The following ANXA10 variants were observed in gnomAD, a reference collection of about 807,000 sequenced individuals.
ANXA10 encodes the protein annexin 14.
ANXA10 carries 49 observed loss-of-function variants against 53.5 expected under a neutral mutation model. The ratio of observed to expected loss-of-function variants is 0.92; its 90% CI spans 0.73 to 1.16. The LOEUF (loss-of-function observed/expected upper bound fraction) is 1.16. ANXA10 is among the 50% of genes most tolerant of loss of function. The pLI, the probability that ANXA10 is intolerant of heterozygous loss-of-function variation, is 0.00. For missense variants in ANXA10, 393 were observed against 394.4 expected (o/e 1.00, Z 0.03); for synonymous variants, 131 against 128.9 (o/e 1.02, Z -0.11).
intron 1 of ANXA10, among the ~76,000 whole-genome samples, chr4:168,096,926 A>ATATGTATATATATATATATATG (rs1553995920): frequency 6.2e-5 from 8 of 129,916 alleles, no homozygotes; most frequent in South Asian, 4.7e-4. Flanking sequence ...ATATATATAT[A>ATATGTATATATATATATATATG]TATGTATGTA....
intron 1 of ANXA10, among the ~76,000 whole-genome samples, chr4:168,115,925 G>A (rs1938809761): frequency 6.6e-6 from 1 of 151,998 alleles, no homozygotes; most frequent in African/African-American, 2.4e-5. Context: ...AAAACCACTG[G>A]GTAAATAAAA....
intron 6 of ANXA10, among the ~76,000 whole-genome samples, chr4:168,171,521 T>C (rs939753669): frequency 6.6e-6 from 1 of 151,820 alleles, no homozygotes; most frequent in African/African-American, 2.4e-5. Flanking sequence ...GACACACCCA[T>C]TTTTTTTGAA....
intron 3 of ANXA10, among the ~76,000 whole-genome samples, chr4:168,156,899 T>C (rs1471535610): frequency 6.6e-6 from 1 of 152,100 alleles, no homozygotes; most frequent in Non-Finnish European, 1.5e-5. Context: ...TTTTGAATAA[T>C]TTTACAAACT....
intron 8 of ANXA10, 42 bp downstream of exon 8, chr4:168,178,025 A>AGAC: frequency 1.9e-6 from 3 of 1,565,232 alleles, no homozygotes. Flanking sequence ...TTGACCAATT[A>AGAC]TATAACAAAA....
intron 1 of ANXA10, among the ~76,000 whole-genome samples, chr4:168,117,715 T>C (rs1445604928): frequency 1.3e-5 from 2 of 152,250 alleles, no homozygotes; most frequent in Non-Finnish European, 1.5e-5. Context: ...ACTTCCAATA[T>C]TAAAATTGAA....
chr4:168,138,310 T>C (rs539260830), intron 2 of ANXA10, among the ~76,000 whole-genome samples: 1 of 152,240 alleles, frequency 6.6e-6, no homozygotes, highest in African/African-American at 2.4e-5. Context: ...TGGTATCTCA[T>C]TGTGGTTTTA....
intron 1 of ANXA10, among the ~76,000 whole-genome samples, chr4:168,112,896 G>T (rs1730833731): frequency 6.6e-6 from 1 of 152,172 alleles, no homozygotes; most frequent in African/African-American, 2.4e-5. Flanking sequence ...GGTGGCACGT[G>T]CTTGTAGTCC....
At chr4:168,178,832 C>A (rs1224528212) in intron 8 of ANXA10, among the ~76,000 whole-genome samples, 1 of 152,198 alleles carries the variant, frequency 6.6e-6, no homozygotes, top group Non-Finnish European at 1.5e-5. Context: ...GACTTTTACA[C>A]TTAATTCTCA....
rs1553995920 is a variant in ANXA10, at chr4:168,096,926, A to ATATGTATATATATATATATATATATG, written c.18+4215_18+4216insATATATATATATATATATGTATGTAT. On this transcript the variant is annotated intron_variant, in intron 1 of 11. Coordinates refer to ENST00000359299, the MANE Select transcript of ANXA10 (RefSeq NM_007193.5). ...AATACAAATGCATATATATATATAT[A>ATATGTATATATATATATATATATATG]TATGTATGTATATGTATATACAATA... is the stretch of plus-strand genomic sequence containing the variant. 2.5e-3 allele frequency among the ~76,000 whole-genome samples: 321 copies of ATATGTATATATATATATATATATATG among 129,876 alleles called. 3 individuals carry two copies. The highest frequency in any genetic ancestry group is 4.0e-3 in the Middle Eastern group (1 of 252). The allele number at this position is 129,876 out of a possible 152,430, so 85.2% of individuals were successfully genotyped here. A position where few individuals can be genotyped will look rare whatever the true frequency, so the allele number is the denominator to read the frequency against.
intron 1 of ANXA10, among the ~76,000 whole-genome samples, chr4:168,093,999 A>T (rs1157397839): frequency 6.6e-6 from 1 of 152,166 alleles, no homozygotes; most frequent in Non-Finnish European, 1.5e-5. Flanking sequence ...TCAAGTAATT[A>T]GGCCAGCATG....
At chr4:168,153,022 T>C (rs926420382) in intron 3 of ANXA10, among the ~76,000 whole-genome samples, 13 of 151,958 alleles carry the variant, frequency 8.6e-5, no homozygotes, top group Non-Finnish European at 1.6e-4. Flanking sequence ...TTTGGCATTT[T>C]TTGTGGAGAC....
chr4:168,133,315 A>G (rs1731184638), intron 2 of ANXA10, among the ~76,000 whole-genome samples: 1 of 152,146 alleles, frequency 6.6e-6, no homozygotes, highest in Non-Finnish European at 1.5e-5. Context: ...TACATCCATA[A>G]AAAATAATAG....
intron 1 of ANXA10, among the ~76,000 whole-genome samples, chr4:168,124,019 G>A (rs1380965923): frequency 6.6e-6 from 1 of 152,060 alleles, no homozygotes; most frequent in African/African-American, 2.4e-5. Context: ...TTACTCTCAA[G>A]AAAACTGAGG....
chr4:168,117,215 C>G (rs1730908212), intron 1 of ANXA10, among the ~76,000 whole-genome samples: 1 of 152,100 alleles, frequency 6.6e-6, no homozygotes, highest in African/African-American at 2.4e-5. Context: ...TGCACTCCAG[C>G]CTGGGCAACA....
chr4:168,155,904 CATATATTATATTAT>C (rs1560784036), intron 3 of ANXA10, among the ~76,000 whole-genome samples: 1 of 16,974 alleles, frequency 5.9e-5, no homozygotes, highest in African/African-American at 3.4e-4. Context: ...TATGATATAT[CATATATTATATTAT>C]ATATCATATA....
At chr4:168,114,105 AT>A (rs1357574746) in intron 1 of ANXA10, among the ~76,000 whole-genome samples, 3 of 152,184 alleles carry the variant, frequency 2.0e-5, no homozygotes, top group Non-Finnish European at 2.9e-5. Context: ...TCTAAATATT[AT>A]GTTTCAAATG....
intron 1 of ANXA10, among the ~76,000 whole-genome samples, chr4:168,097,805 G>A (rs1406311076): frequency 6.6e-6 from 1 of 152,046 alleles, no homozygotes; most frequent in South Asian, 2.1e-4. Flanking sequence ...TACTCACTCT[G>A]CAATTACACA....
chr4:168,149,821 A>G (rs1731468493), intron 3 of ANXA10, among the ~76,000 whole-genome samples: 1 of 152,190 alleles, frequency 6.6e-6, no homozygotes, highest in Admixed American at 6.5e-5. Context: ...CTAGGCAATG[A>G]GTGGTGAGCG....
chr4:168,176,300 T>G (rs953522076), intron 6 of ANXA10, among the ~76,000 whole-genome samples: 3 of 152,162 alleles, frequency 2.0e-5, no homozygotes, highest in African/African-American at 7.2e-5. Flanking sequence ...CTGATTTAAT[T>G]TATGATCTTT....
Sources: allele counts gnomAD v4.1 joint callset (sites outside exome capture counted in the v4.1 genomes callset), GRCh38; gene constraint gnomAD v4.1.1; transcripts MANE v1.5; gene names NCBI Gene and HGNC (gene_info 2026-07-23, HGNC 2026-07-21).